Variants in CTNNA3 observed in about 807,000 individuals in gnomAD.
CTNNA3 encodes catenin alpha-3.
CTNNA3 carries 76 observed loss-of-function variants against 95.7 expected under a neutral mutation model. That is an observed-to-expected ratio of 0.79 (90% CI 0.66 to 0.96). The LOEUF is 0.96. CTNNA3 is among the 40% of genes least tolerant of loss of function. CTNNA3 has a pLI of 0.00. For missense variants in CTNNA3, 1,191 were observed against 1,089.8 expected, an observed-to-expected ratio of 1.09 and a Z score of -1.31; for synonymous variants, 431 against 374.4, an observed-to-expected ratio of 1.15 and a Z score of -1.74.
chr10:66,508,210 GT>G (rs756807793), intron 11 of CTNNA3, among the ~76,000 whole-genome samples: 4,023 of 108,394 alleles, frequency 0.037, 165 homozygotes, highest in Middle Eastern at 0.062. Flanking sequence ...TTTGTTTTCT[GT>G]TTTTTTTTTT....
At chr10:65,971,676 A>G (rs1330775870) in intron 16 of CTNNA3, among the ~76,000 whole-genome samples, 2 of 151,966 alleles carry the variant, frequency 1.3e-5, no homozygotes, top group East Asian at 3.9e-4. Flanking sequence ...AATCAGTAAT[A>G]AAACACCCAC....
intron 12 of CTNNA3, among the ~76,000 whole-genome samples, chr10:66,283,083 T>A (rs541860672): frequency 1.3e-5 from 2 of 151,908 alleles, no homozygotes; most frequent in East Asian, 1.9e-4. Flanking sequence ...TTTTGTAGTG[T>A]TAAAAGAGGA....
chr10:67,687,613 G>A (rs995636391), intron 1 of CTNNA3, among the ~76,000 whole-genome samples: 1 of 152,114 alleles, frequency 6.6e-6, no homozygotes, highest in Non-Finnish European at 1.5e-5. Flanking sequence ...AATGCCTCCA[G>A]ATTTTGTTCA....
At chr10:66,065,540 T>C (rs1191695651) in intron 15 of CTNNA3, among the ~76,000 whole-genome samples, 1 of 152,212 alleles carries the variant, frequency 6.6e-6, no homozygotes, top group Non-Finnish European at 1.5e-5. Context: ...TGATTAAATC[T>C]ACTAATTGCC....
chr10:66,958,585 T>C (rs1274319255), intron 7 of CTNNA3, among the ~76,000 whole-genome samples: 1 of 152,124 alleles, frequency 6.6e-6, no homozygotes, highest in African/African-American at 2.4e-5. Context: ...AGTAAGCGAA[T>C]CCTGCCATTT....
intron 13 of CTNNA3, among the ~76,000 whole-genome samples, chr10:66,173,335 G>A (rs1433686501): frequency 1.3e-5 from 2 of 152,128 alleles, no homozygotes; most frequent in African/African-American, 4.8e-5. Context: ...AAAGTTCAAT[G>A]GAGGAGGAGA....
At chr10:67,727,475 A>G (rs973917170) in intron 1 of CTNNA3, among the ~76,000 whole-genome samples, 1 of 133,410 alleles carries the variant, frequency 7.5e-6, no homozygotes, top group Non-Finnish European at 1.6e-5. Context: ...TATATTATAT[A>G]TTTATATATT....
chr10:66,866,329 A>G (rs118048387), intron 7 of CTNNA3, among the ~76,000 whole-genome samples: 34 of 152,252 alleles, frequency 2.2e-4, no homozygotes, highest in Non-Finnish European at 4.6e-4. Context: ...TGATTGTGAG[A>G]TCTCTGAAGA....
intron 7 of CTNNA3, among the ~76,000 whole-genome samples, chr10:67,142,385 G>A (rs1355961440): frequency 6.6e-6 from 1 of 152,040 alleles, no homozygotes; most frequent in Admixed American, 6.6e-5. Context: ...AAAAATACAT[G>A]TGTGTATATA....
At position 67,560,020 on chromosome 10, in the gene CTNNA3, C is replaced by A. The variant is rs1046457254; in HGVS notation, c.293-20351G>T. ...CCAAATCTACGTCTGATTGGTGTAC[C>A]TGAAAGTGATGGGGAGAATGGAACC... On this transcript the variant is annotated intron_variant, in intron 3 of 17. Coordinates refer to ENST00000433211, the MANE Select transcript of CTNNA3 (RefSeq NM_013266.4). Among the ~76,000 whole-genome samples the A allele has an allele frequency of 7.1e-4, 108 of 152,062 alleles. 2 individuals are homozygous for A. The highest frequency in any genetic ancestry group is 9.8e-4 in the Admixed American group (15 of 15,256).
At chr10:66,427,692 A>C (rs2093254530) in intron 11 of CTNNA3, among the ~76,000 whole-genome samples, 1 of 152,124 alleles carries the variant, frequency 6.6e-6, no homozygotes, top group Admixed American at 6.6e-5. Context: ...CTTTATAGAC[A>C]AGCAAATGCT....
chr10:67,013,498 G>T (rs192319353), intron 7 of CTNNA3, among the ~76,000 whole-genome samples: 225 of 152,216 alleles, frequency 1.5e-3, no homozygotes, highest in Non-Finnish European at 1.9e-3. Context: ...GTCCATTCAC[G>T]TGCTGTGCAA....
Position 67,539,649 on chromosome 10 carries a change from C to A in CTNNA3, c.313G>T (p.Ala105Ser), listed in dbSNP as rs1261483627. The A allele has an allele frequency of 5.0e-6, 8 of 1,613,466 alleles. No homozygotes were observed. Among genetic ancestry groups the A allele is most frequent in the Non-Finnish European group, 6.8e-6 (8 of 1,179,630 alleles). ...RKESEALKVS[A>S]ERFTDDPCFL... ...CAGGGGTCATCTGTAAATCTCTCAG[C>A]TGATACTTTCAGAGCTTCACCTGAA... The change falls in exon 4 of 18, where the codon GCT becomes TCT. Residue 105 changes from alanine to serine, a missense_variant. Physicochemically the swap from Ala to Ser is moderately conservative, Grantham distance 99. Coordinates refer to ENST00000433211, the MANE Select transcript of CTNNA3 (RefSeq NM_013266.4).
intron 5 of CTNNA3, among the ~76,000 whole-genome samples, chr10:67,408,117 C>T (rs1274220868): frequency 6.6e-6 from 1 of 152,192 alleles, no homozygotes; most frequent in Non-Finnish European, 1.5e-5. Flanking sequence ...AAAATCATTC[C>T]ATGCTAATGA....
intron 11 of CTNNA3, among the ~76,000 whole-genome samples, chr10:66,513,955 G>A (rs145975962): frequency 0.011 from 1,607 of 151,438 alleles, 35 homozygotes; most frequent in African/African-American, 0.037. Context: ...GGATGGTGTC[G>A]GGGGATGTAG....
chr10:66,490,862 C>T (rs1371111947), intron 11 of CTNNA3, among the ~76,000 whole-genome samples: 3 of 152,172 alleles, frequency 2.0e-5, no homozygotes. Context: ...GCTGACACCC[C>T]TTGCTGACCT....
intron 1 of CTNNA3, among the ~76,000 whole-genome samples, chr10:67,726,941 T>C (rs1196521288): frequency 8.6e-6 from 1 of 116,334 alleles, no homozygotes; most frequent in East Asian, 2.4e-4. Context: ...TCATATATCA[T>C]ATATATTATA....
intron 17 of CTNNA3, among the ~76,000 whole-genome samples, chr10:65,938,895 T>A (rs1336226783): frequency 6.7e-6 from 1 of 149,710 alleles, no homozygotes; most frequent in Non-Finnish European, 1.5e-5. Flanking sequence ...TTTTCCTTTT[T>A]TTTTTTCTCT....
At chr10:67,454,183 TTA>T in intron 5 of CTNNA3, among the ~76,000 whole-genome samples, 1 of 152,290 alleles carries the variant, frequency 6.6e-6, no homozygotes, top group East Asian at 1.9e-4. Flanking sequence ...TCCTTTAGTT[TTA>T]AGGTACATTA....
Sources: allele counts gnomAD v4.1 joint callset (sites outside exome capture counted in the v4.1 genomes callset), GRCh38; gene constraint gnomAD v4.1.1; transcripts MANE v1.5; gene names NCBI Gene and HGNC (gene_info 2026-07-23, HGNC 2026-07-21).